The following MAP4K3 variants were observed in gnomAD, a reference collection of about 807,000 sequenced individuals.
The protein encoded by MAP4K3 is MAPK/ERK kinase kinase kinase 3.
MAP4K3 carries 94 observed loss-of-function variants against 143.5 expected under a neutral mutation model. The ratio of observed to expected loss-of-function variants is 0.65; its 90% CI spans 0.55 to 0.78. MAP4K3 has a LOEUF of 0.78. MAP4K3 is among the 30% of genes least tolerant of loss of function. The pLI, the probability that MAP4K3 is intolerant of heterozygous loss-of-function variation, is 0.00. For synonymous variants in MAP4K3, 416 were observed against 347.2 expected, an observed-to-expected ratio of 1.20 and a Z score of -2.20; for missense variants, 1,077 against 1,068.1, an observed-to-expected ratio of 1.01 and a Z score of -0.12.
chr2:39,362,605 T>TAAAA (rs1665801344), intron 2 of MAP4K3, among the ~76,000 whole-genome samples: 1 of 152,196 alleles, frequency 6.6e-6, no homozygotes, highest in African/African-American at 2.4e-5. Flanking sequence ...AGAGCATTGT[T>TAAAA]AAAATGTTCG....
chr2:39,315,011 C>T (rs886611154), intron 13 of MAP4K3, among the ~76,000 whole-genome samples: 1 of 152,148 alleles, frequency 6.6e-6, no homozygotes, highest in African/African-American at 2.4e-5. Flanking sequence ...TTAACAAGCT[C>T]TCTAGGTGAG....
intron 2 of MAP4K3, among the ~76,000 whole-genome samples, chr2:39,373,409 C>A (rs1043018864): frequency 6.6e-6 from 1 of 152,028 alleles, no homozygotes; most frequent in South Asian, 2.1e-4. Context: ...ATAGAACTAC[C>A]ATACAATCAT....
chr2:39,293,199 A>G lies in MAP4K3; in HGVS notation c.1217+31T>C, dbSNP rs371409715. The G allele has an allele frequency of 1.4e-5, 20 of 1,459,418 alleles. No individual in the cohort carries two copies. The African/African-American group carries it at 2.3e-4, about 17-fold the overall frequency. The allele number at this position is 1,459,418 out of a possible 1,614,324, so 90.4% of individuals were successfully genotyped here. A position where few individuals can be genotyped will look rare whatever the true frequency, so the allele number is the denominator to read the frequency against. ...AACTGACTTTACTTGTCTGTGACAT[A>G]AAGTACTTTAAGATTAAAAATTAAA... is the stretch of plus-strand genomic sequence containing the variant. On this transcript the variant is annotated intron_variant, in intron 17 of 33. Coordinates refer to ENST00000263881, the MANE Select transcript of MAP4K3 (RefSeq NM_003618.4).
chr2:39,333,594 T>C lies in MAP4K3; in HGVS notation c.415-20A>G. 1 of 1,462,934 alleles carries C rather than the reference T, an allele frequency of 6.8e-7. No homozygotes were observed. Among genetic ancestry groups the C allele is most frequent in the Non-Finnish European group, 9.6e-7 (1 of 1,045,696 alleles). The allele number at this position is 1,462,934 out of a possible 1,614,324, so 90.6% of individuals were successfully genotyped here. On this transcript the variant is annotated intron_variant, in intron 6 of 33. Transcript: ENST00000263881. ...AGCTCCCTTCAAAGTAACAATATTT[T>C]AGTTAGAGTAGGAAATAGATATTTT...
intron 15 of MAP4K3, chr2:39,303,059 G>T (rs1682568376): frequency 6.0e-6 from 1 of 167,018 alleles, no homozygotes; most frequent in South Asian, 2.1e-4. Flanking sequence ...CCCCTTGGGA[G>T]ATTTAAGTCT....
chr2:39,324,646 T>C (rs1258349325), intron 12 of MAP4K3, among the ~76,000 whole-genome samples: 2 of 152,200 alleles, frequency 1.3e-5, no homozygotes, highest in African/African-American at 2.4e-5. Flanking sequence ...CAGTCATTAA[T>C]GAAATTTACA....
In MAP4K3 at chr2:39,257,326, C is replaced by T. The variant is rs184391648; in HGVS notation, c.2470+1022G>A. ...GAAATCCTTTTCCAGAAAAATACTC[C>T]TATTAAGCAAAATGTGAGAATGACA... On this transcript the variant is annotated intron_variant, in intron 31 of 33. Coordinates refer to ENST00000263881, the MANE Select transcript of MAP4K3 (RefSeq NM_003618.4). Among the ~76,000 whole-genome samples the T allele has an allele frequency of 1.5e-3, 233 of 152,162 alleles. 2 individuals are homozygous for T. The highest frequency in any genetic ancestry group is 5.0e-3 in the African/African-American group (206 of 41,504).
chr2:39,269,468 G>GTTT (rs1680920681), intron 26 of MAP4K3, among the ~76,000 whole-genome samples: 4 of 64,466 alleles, frequency 6.2e-5, no homozygotes, highest in Admixed American at 3.6e-4. Context: ...TTTTGCTCAG[G>GTTT]TCTTTTTTTT....
intron 28 of MAP4K3, 35 bp downstream of exon 28, chr2:39,265,168 T>C (rs369303259): frequency 5.4e-6 from 7 of 1,305,770 alleles, no homozygotes; most frequent in African/African-American, 2.9e-5. Context: ...CAAGCTTTTA[T>C]AGTAAGAATA....
chr2:39,343,333 G>T, intron 4 of MAP4K3, 55 bp downstream of exon 4: 1 of 1,132,680 alleles, frequency 8.8e-7, no homozygotes, highest in Non-Finnish European at 1.3e-6. Flanking sequence ...ATAGTAAATA[G>T]CTGTATTTTA....
intron 16 of MAP4K3, among the ~76,000 whole-genome samples, chr2:39,299,340 C>A (rs1316779766): frequency 6.6e-6 from 1 of 152,036 alleles, no homozygotes; most frequent in Non-Finnish European, 1.5e-5. Context: ...AACCTTATAG[C>A]TAAAAAGTTA....
At chr2:39,280,011 C>G (rs1681447552) in intron 23 of MAP4K3, among the ~76,000 whole-genome samples, 1 of 152,010 alleles carries the variant, frequency 6.6e-6, no homozygotes. Flanking sequence ...AGAAACATTT[C>G]TGGAGGAAAC....
intron 1 of MAP4K3, among the ~76,000 whole-genome samples, chr2:39,415,980 A>AAAAAATATATATATATATATAT (rs1553318573): frequency 6.8e-5 from 1 of 14,752 alleles, no homozygotes; most frequent in Non-Finnish European, 1.5e-4. Flanking sequence ...AAAAAAAAAA[A>AAAAAATATATATATATATATAT]ATATATATAT....
chr2:39,409,078 C>A (rs1256137867), intron 1 of MAP4K3, among the ~76,000 whole-genome samples: 2 of 152,164 alleles, frequency 1.3e-5, no homozygotes, highest in Admixed American at 1.3e-4. Flanking sequence ...ACAGCAAAAC[C>A]AACCCTTCCT....
intron 1 of MAP4K3, among the ~76,000 whole-genome samples, chr2:39,424,634 A>T (rs1318732467): frequency 6.6e-6 from 1 of 151,992 alleles, no homozygotes; most frequent in Non-Finnish European, 1.5e-5. Flanking sequence ...GTTTGATACC[A>T]GCCAAGGCAA....
intron 3 of MAP4K3, among the ~76,000 whole-genome samples, chr2:39,346,293 T>C (rs1665290505): frequency 1.3e-5 from 2 of 152,358 alleles, no homozygotes; most frequent in South Asian, 2.1e-4. Context: ...TTACTGTTTG[T>C]AGTTAATCAA....
At chr2:39,282,469 G>A (rs1326241984) in intron 22 of MAP4K3, 44 bp downstream of exon 22, 9 of 1,512,586 alleles carry the variant, frequency 6.0e-6, no homozygotes, top group Non-Finnish European at 7.3e-6. Context: ...ACACACACAA[G>A]TGACTTAGCT....
intron 1 of MAP4K3, among the ~76,000 whole-genome samples, chr2:39,435,755 T>C (rs572976163): frequency 2.0e-5 from 3 of 152,308 alleles, no homozygotes; most frequent in Non-Finnish European, 4.4e-5. Context: ...TCTCATACAT[T>C]GTAGGTGGGC....
intron 1 of MAP4K3, among the ~76,000 whole-genome samples, chr2:39,408,190 C>G (rs535906165): frequency 6.6e-6 from 1 of 152,314 alleles, no homozygotes; most frequent in African/African-American, 2.4e-5. Context: ...TTGGTTCCTT[C>G]CATGCTTTGT....
Sources: allele counts gnomAD v4.1 joint callset (sites outside exome capture counted in the v4.1 genomes callset), GRCh38; gene constraint gnomAD v4.1.1; transcripts MANE v1.5; gene names NCBI Gene and HGNC (gene_info 2026-07-23, HGNC 2026-07-21).